Variants in LRRC4C observed in about 807,000 individuals in gnomAD.
LRRC4C encodes the protein leucine-rich repeat-containing protein 4C.
A neutral mutation model predicts 33.6 loss-of-function variants in LRRC4C; 5 were observed. That is an observed-to-expected ratio of 0.15 (90% CI 0.08 to 0.31). The LOEUF (loss-of-function observed/expected upper bound fraction) is 0.31, where lower values mean the gene tolerates loss of function less well. Ranked by LOEUF, LRRC4C falls within the 10% of genes least tolerant of loss-of-function variation. LRRC4C has a pLI of 1.00. For missense variants in LRRC4C, 560 were observed against 796.7 expected, an observed-to-expected ratio of 0.70 and a Z score of 3.58; for synonymous variants, 329 against 302.0, an observed-to-expected ratio of 1.09 and a Z score of -0.93.
chr11:40,983,608 G>T (rs954891400), intron 1 of LRRC4C, among the ~76,000 whole-genome samples: 2 of 151,958 alleles, frequency 1.3e-5, no homozygotes, highest in Non-Finnish European at 2.9e-5. Context: ...TCTGACAAAG[G>T]TCTAATATCC....
chr11:41,185,467 A>C (rs975516585), intron 1 of LRRC4C, among the ~76,000 whole-genome samples: 1 of 152,200 alleles, frequency 6.6e-6, no homozygotes, highest in African/African-American at 2.4e-5. Flanking sequence ...GCAAGTTAGG[A>C]AAGTAAAACA....
chr11:41,295,545 A>G (rs927079261), intron 1 of LRRC4C, among the ~76,000 whole-genome samples: 2 of 152,108 alleles, frequency 1.3e-5, no homozygotes, highest in Non-Finnish European at 2.9e-5. Flanking sequence ...GAAAAACTAG[A>G]GAGAAATAAA....
At chr11:40,648,350 C>A (rs1472521031) in intron 2 of LRRC4C, 72 bp from the exon 3 acceptor site, 1 of 152,034 alleles carries the variant, frequency 6.6e-6, no homozygotes, top group Non-Finnish European at 1.5e-5. Flanking sequence ...GATTTTAACA[C>A]CTAGAGCTCA....
chr11:40,820,785 A>G (rs1481358618), intron 2 of LRRC4C, among the ~76,000 whole-genome samples: 1 of 151,822 alleles, frequency 6.6e-6, no homozygotes, highest in Non-Finnish European at 1.5e-5. Context: ...TGTCCTTTCT[A>G]GTCAACATAA....
intron 2 of LRRC4C, among the ~76,000 whole-genome samples, chr11:40,700,925 A>G (rs953653479): frequency 3.9e-5 from 6 of 152,154 alleles, no homozygotes; most frequent in Non-Finnish European, 8.8e-5. Flanking sequence ...CAAATTATTG[A>G]CTTCGCTCTT....
intron 1 of LRRC4C, among the ~76,000 whole-genome samples, chr11:40,980,623 A>G (rs2137095553): frequency 6.6e-6 from 1 of 152,300 alleles, no homozygotes; most frequent in African/African-American, 2.4e-5. Flanking sequence ...AAAAACTGAG[A>G]CTTCCTTTCA....
intron 2 of LRRC4C, among the ~76,000 whole-genome samples, chr11:40,731,028 G>C (rs2136783215): frequency 6.6e-6 from 1 of 152,112 alleles, no homozygotes; most frequent in African/African-American, 2.4e-5. Flanking sequence ...TTGTTTAAAA[G>C]TGTGTGGCCG....
chr11:40,565,042 C>T (rs1431052833), intron 3 of LRRC4C, among the ~76,000 whole-genome samples: 1 of 152,156 alleles, frequency 6.6e-6, no homozygotes, highest in Non-Finnish European at 1.5e-5. Flanking sequence ...CAACCAAGAC[C>T]TGCAGAGGGT....
At chr11:41,135,406 G>C (rs754638664) in intron 1 of LRRC4C, among the ~76,000 whole-genome samples, 1 of 152,140 alleles carries the variant, frequency 6.6e-6, no homozygotes, top group Non-Finnish European at 1.5e-5. Flanking sequence ...AGTATCTGAA[G>C]TATGTGGTAA....
At chr11:40,636,110 T>A (rs1288779093) in intron 3 of LRRC4C, among the ~76,000 whole-genome samples, 1 of 151,954 alleles carries the variant, frequency 6.6e-6, no homozygotes, top group African/African-American at 2.4e-5. Flanking sequence ...ACAACTAAGG[T>A]CTAAGGCGGG....
At chr11:41,302,086 G>T (rs1261045989) in intron 1 of LRRC4C, among the ~76,000 whole-genome samples, 2 of 152,138 alleles carry the variant, frequency 1.3e-5, no homozygotes, top group African/African-American at 4.8e-5. Flanking sequence ...AGGAAACACT[G>T]TTAAATTCAA....
intron 1 of LRRC4C, among the ~76,000 whole-genome samples, chr11:41,225,893 G>A (rs1390421534): frequency 6.6e-6 from 1 of 152,088 alleles, no homozygotes; most frequent in Non-Finnish European, 1.5e-5. Context: ...TGTGGTGGAA[G>A]TCAAACCTCA....
chr11:41,441,962 A>G (rs1335729280), intron 1 of LRRC4C, among the ~76,000 whole-genome samples: 1 of 152,190 alleles, frequency 6.6e-6, no homozygotes, highest in Non-Finnish European at 1.5e-5. Context: ...TAATGCAATC[A>G]TCATTAGTAT....
intron 2 of LRRC4C, among the ~76,000 whole-genome samples, chr11:40,871,540 C>A (rs1056408655): frequency 6.6e-6 from 1 of 152,080 alleles, no homozygotes; most frequent in Non-Finnish European, 1.5e-5. Flanking sequence ...CCCAGTCACT[C>A]TTGTCACAGC....
rs368038698 is a variant in LRRC4C at position 41,448,713 on chromosome 11, GA to G, written c.-496+10717del. On this transcript the variant is annotated intron_variant, in intron 1 of 6. Coordinates refer to ENST00000528697, the MANE Select transcript of LRRC4C (RefSeq NM_001258419.2). ...ATACATATTTTTAAATGACTTAGAA[GA>G]CAACATTTCACAGTATTTCTAAATA... Among the ~76,000 whole-genome samples the G allele has an allele frequency of 2.3e-4, 35 of 152,246 alleles. No individual in the cohort carries two copies. The South Asian group carries it at 6.8e-3, about 30-fold the overall frequency.
rs560128485 is a variant in LRRC4C at position 40,613,290 on chromosome 11, A to T, written c.-270+34852T>A. Among the ~76,000 whole-genome samples the T allele has an allele frequency of 7.9e-5, 12 of 152,044 alleles. No individual in the cohort carries two copies. In the South Asian group the frequency reaches 2.5e-3, roughly 32 times the overall value. On this transcript the variant is annotated intron_variant, in intron 3 of 6. Coordinates refer to ENST00000528697, the MANE Select transcript of LRRC4C (RefSeq NM_001258419.2). The stretch of plus-strand genomic sequence containing the variant: ...CTCAAACCTTGCCTATGCTTTGTCA[A>T]CTAAGTTTACATAATATTCTAAATA...
intron 3 of LRRC4C, among the ~76,000 whole-genome samples, chr11:40,627,621 C>T (rs1963076789): frequency 6.6e-6 from 1 of 152,148 alleles, no homozygotes; most frequent in African/African-American, 2.4e-5. Flanking sequence ...CCAGGTAGCA[C>T]ATAGAGAAGA....
At chr11:40,762,332 C>T (rs1399738250) in intron 2 of LRRC4C, among the ~76,000 whole-genome samples, 1 of 152,152 alleles carries the variant, frequency 6.6e-6, no homozygotes, top group Non-Finnish European at 1.5e-5. Context: ...TGGGTCATTC[C>T]TTTATTTCCA....
chr11:40,726,086 A>C (rs1947280674), intron 2 of LRRC4C, among the ~76,000 whole-genome samples: 1 of 152,128 alleles, frequency 6.6e-6, no homozygotes. Context: ...CCTAAAATTA[A>C]ATCAGGAAGA....
Sources: gnomAD v4.1 joint callset for allele counts (sites outside exome capture counted in the v4.1 genomes callset) on GRCh38, gnomAD v4.1.1 for gene constraint, MANE v1.5 for transcripts, NCBI Gene and HGNC (gene_info 2026-07-23, HGNC 2026-07-21) for gene names.